METTL2B: variants seen among roughly 807,000 people sequenced by gnomAD.
METTL2B encodes methyltransferase 2B, tRNA N3-cytidine.
In METTL2B, 28 loss-of-function variants were observed where a neutral mutation model predicts 51.0. That is an observed-to-expected ratio of 0.55 (90% confidence interval 0.41 to 0.75). METTL2B has a LOEUF of 0.75. Ranked by LOEUF, METTL2B falls within the 30% of genes least tolerant of loss-of-function variation. The pLI, the probability that METTL2B is intolerant of heterozygous loss-of-function variation, is 0.00. For synonymous variants in METTL2B, 128 were observed against 166.3 expected (o/e 0.77, Z 1.77); for missense variants, 313 against 460.7 (o/e 0.68, Z 2.93).
At chr7:128,500,772 T>C (rs1169173958) in intron 7 of METTL2B, 131 bp from the exon 8 acceptor site, 35 of 946,532 alleles carry the variant, frequency 3.7e-5, no homozygotes, top group Middle Eastern at 5.8e-4. Context: ...CCCGTTGAGC[T>C]GCTCTTCCCG....
intron 4 of METTL2B, chr7:128,483,216 T>A (rs1415477842): frequency 6.6e-6 from 1 of 152,212 alleles, no homozygotes; most frequent in Non-Finnish European, 1.5e-5. Flanking sequence ...CACAGCCTCT[T>A]TATGCCATTT....
chr7:128,497,984 A>T lies in METTL2B; in HGVS notation c.810-52A>T, dbSNP rs563127947. The T allele has an allele frequency of 5.7e-6, 9 of 1,585,608 alleles. No homozygotes were observed. The African/African-American group carries it at 9.5e-5, about 17-fold the overall frequency. On this transcript the variant is annotated intron_variant, in intron 6 of 8. Coordinates refer to ENST00000262432, the MANE Select transcript of METTL2B (RefSeq NM_018396.3). ...TTTGGGATATGCTACAGGGAAAGAG[A>T]ACCCTGTCTTTAAGGAGACCTGATT...
chr7:128,493,996 G>C (rs1038925290), intron 6 of METTL2B, 53 bp downstream of exon 6: 1 of 1,584,158 alleles, frequency 6.3e-7, no homozygotes, highest in Admixed American at 1.9e-5. Context: ...CTTTGGTGAG[G>C]GACCTTTTTT....
At chr7:128,490,224 T>C (rs1283947281) in intron 5 of METTL2B, among the ~76,000 whole-genome samples, 2 of 151,878 alleles carry the variant, frequency 1.3e-5, no homozygotes, top group African/African-American at 4.8e-5. Flanking sequence ...CAACTCCTTA[T>C]AGATAAGGAT....
At chr7:128,489,915 A>G (rs952696527) in intron 5 of METTL2B, among the ~76,000 whole-genome samples, 6 of 152,092 alleles carry the variant, frequency 3.9e-5, no homozygotes, top group African/African-American at 1.4e-4. Flanking sequence ...GGCGTGAGCC[A>G]CCGCGCCCGG....
At chr7:128,480,591 C>T in intron 3 of METTL2B, 56 bp from the exon 4 acceptor site, 2 of 1,611,346 alleles carry the variant, frequency 1.2e-6, no homozygotes, top group African/African-American at 1.3e-5. Context: ...GCTTTTCTAG[C>T]TTTCGGGAAT....
intron 5 of METTL2B, among the ~76,000 whole-genome samples, chr7:128,493,138 CTT>C (rs1792865028): frequency 6.6e-6 from 1 of 152,096 alleles, no homozygotes; most frequent in Non-Finnish European, 1.5e-5. Context: ...GATCTTTACT[CTT>C]TGAGTCCTCC....
chr7:128,483,995 A>T (rs1440237061), intron 4 of METTL2B: 2 of 152,212 alleles, frequency 1.3e-5, no homozygotes, highest in Non-Finnish European at 2.9e-5. Context: ...AAGTGCTGGG[A>T]TTACAGGTGT....
At chr7:128,497,751 G>A (rs1347763499) in intron 6 of METTL2B, among the ~76,000 whole-genome samples, 1 of 152,098 alleles carries the variant, frequency 6.6e-6, no homozygotes, top group Non-Finnish European at 1.5e-5. Context: ...CCAAAATGGT[G>A]GTATTACAAG....
intron 4 of METTL2B, chr7:128,484,232 T>TGTTTG (rs775981883): frequency 1.2e-5 from 1 of 83,558 alleles, no homozygotes; most frequent in Non-Finnish European, 2.2e-5. Context: ...TTTTTTTTTT[T>TGTTTG]TTTTTTTTTT....
Position 128,500,955 on chromosome 7 carries a change from C to T in METTL2B, c.969C>T (p.Tyr323=), listed in dbSNP as rs1165259270. 1.2e-6 allele frequency: 2 copies of T among 1,614,202 alleles called. No homozygotes were observed. Among genetic ancestry groups the T allele is most frequent in the Non-Finnish European group, 1.7e-6 (2 of 1,180,014 alleles). ...FYVRGDGTRV[Y]FFTQEELDTL... is the part of the protein sequence containing the mutation. The stretch of plus-strand genomic sequence containing the variant: ...TGAGAGGTGATGGAACCAGAGTTTA[C>T]TTCTTCACACAAGGTATGAAACACT... The change falls in exon 8 of 9, where the codon TAC becomes TAT. Residue 323 remains tyrosine (Y), a synonymous_variant. Coordinates refer to ENST00000262432, the MANE Select transcript of METTL2B (RefSeq NM_018396.3).
At chr7:128,483,499 AG>A (rs1799897502) in intron 4 of METTL2B, 1 of 152,356 alleles carries the variant, frequency 6.6e-6, no homozygotes, top group Non-Finnish European at 1.5e-5. Flanking sequence ...CATTCAGATC[AG>A]AAGCATCTAG....
intron 2 of METTL2B, chr7:128,478,103 A>G (rs1029351286): frequency 5.8e-6 from 2 of 347,104 alleles, no homozygotes; most frequent in African/African-American, 2.1e-5. Context: ...GTGGATTCCA[A>G]CTTCCATTGT....
At position 128,497,938 on chromosome 7, in the gene METTL2B, G is replaced by T. The variant is rs962594141; in HGVS notation, c.810-98G>T. On this transcript the variant is annotated intron_variant, in intron 6 of 8. Coordinates refer to ENST00000262432, the MANE Select transcript of METTL2B (RefSeq NM_018396.3). ...CTTAGATCTCAGACTTGGTGTGTCA[G>T]TTGAGGAAGTCCACTGGCTTTTTGG... 69 of 1,225,764 alleles carry T rather than the reference G, an allele frequency of 5.6e-5. No homozygotes were observed. In the African/African-American group the frequency reaches 1.0e-3, roughly 18 times the overall value. The allele number at this position is 1,225,764 out of a possible 1,614,324, so 75.9% of individuals were successfully genotyped here.
intron 2 of METTL2B, among the ~76,000 whole-genome samples, chr7:128,478,722 C>T (rs1286320815): frequency 1.7e-5 from 1 of 59,716 alleles, no homozygotes; most frequent in Non-Finnish European, 3.2e-5. Flanking sequence ...AAAAATTAGC[C>T]GGGCGTGGTC....
Position 128,479,288 on chromosome 7 carries a change from T to C in METTL2B, c.333T>C (p.His111=), listed in dbSNP as rs1351082214. 1 of 1,614,062 alleles carries C rather than the reference T, an allele frequency of 6.2e-7. No individual in the cohort carries two copies. Among genetic ancestry groups the C allele is most frequent in the African/African-American group, 1.3e-5 (1 of 74,924 alleles). The part of the protein sequence containing the change: ...PELAPSQNQN[H]LKDWFLENKS... ...TGGCACCTAGCCAAAATCAAAATCATTTGAAGGATTGGTTCTTGGAGAACA... is the reference window on the plus strand; with the variant it reads ...TGGCACCTAGCCAAAATCAAAATCACTTGAAGGATTGGTTCTTGGAGAACA... The change falls in exon 3 of 9, where the codon CAT becomes CAC. Residue 111 remains histidine (H), a synonymous_variant. Transcript: ENST00000262432.
chr7:128,485,414 AGCACTTTGGGAG>A (rs1189078985), intron 4 of METTL2B, among the ~76,000 whole-genome samples: 1 of 152,166 alleles, frequency 6.6e-6, no homozygotes, highest in Admixed American at 6.6e-5. Context: ...CTGTAATCCC[AGCACTTTGGGAG>A]GCCGAGACGG....
intron 5 of METTL2B, chr7:128,488,555 G>T (rs1007957832): frequency 1.3e-5 from 6 of 459,372 alleles, no homozygotes; most frequent in African/African-American, 1.2e-4. Context: ...AATCACATCT[G>T]TGTAAGACGG....
chr7:128,489,140 A>G (rs1176437653), intron 5 of METTL2B, among the ~76,000 whole-genome samples: 2 of 151,996 alleles, frequency 1.3e-5, no homozygotes, highest in Admixed American at 6.6e-5. Context: ...AGATAAAAAT[A>G]CGTTATTGGT....
Sources: gnomAD v4.1 joint callset for allele counts (sites outside exome capture counted in the v4.1 genomes callset) on GRCh38, gnomAD v4.1.1 for gene constraint, MANE v1.5 for transcripts, NCBI Gene and HGNC (gene_info 2026-07-23, HGNC 2026-07-21) for gene names.